MAIP1: variants seen among roughly 807,000 people sequenced by gnomAD.
MAIP1 encodes the protein matrix AAA peptidase interacting protein 1, also known as m-AAA protease-interacting protein 1, mitochondrial.
In MAIP1, 28 loss-of-function variants were observed where a neutral mutation model predicts 31.2. The observed-to-expected ratio is 0.90, with a 90% CI of 0.67 to 1.23. The LOEUF (loss-of-function observed/expected upper bound fraction) is 1.23, where lower values mean the gene tolerates loss of function less well. Ranked by LOEUF, MAIP1 falls within the 50% of genes most tolerant of loss-of-function variation. The pLI is 0.00. For synonymous variants in MAIP1, 142 were observed against 142.3 expected (o/e 1.00, Z 0.02); for missense variants, 339 against 356.0 (o/e 0.95, Z 0.38).
Position 199,963,725 on chromosome 2 carries a change from T to C in MAIP1, c.798-8T>C. On this transcript the variant is annotated splice_polypyrimidine_tract_variant and splice_region_variant and intron_variant, in intron 4 of 4. Transcript: ENST00000392290. The stretch of plus-strand genomic sequence containing the variant: ...TAAGATTTACATTATTTGCAATGTC[T>C]TTCCTAGGTTTCAGAGGGAGTTCAC... 2 of 1,557,284 alleles carry C rather than the reference T, an allele frequency of 1.3e-6. No individual in the cohort carries two copies. The highest frequency in any genetic ancestry group is 1.8e-6 in the Non-Finnish European group (2 of 1,129,256).
At chr2:199,962,852 G>A (rs563060628) in intron 4 of MAIP1, among the ~76,000 whole-genome samples, 2 of 152,094 alleles carry the variant, frequency 1.3e-5, no homozygotes, top group Middle Eastern at 3.4e-3. Context: ...ATTTTTATGC[G>A]AATAAAATCT....
At position 199,955,759 on chromosome 2, in the gene MAIP1, C is replaced by T. The variant is rs766947145; in HGVS notation, c.-40C>T. ...GGCGGTTTCCCACCGACTTCCTTTC[C>T]ATACAGCACCGGCAGGCACCGGTGT... On this transcript the variant is annotated 5_prime_UTR_variant, in exon 1 of 5. Coordinates refer to ENST00000392290, the MANE Select transcript of MAIP1 (RefSeq NM_001394955.1). 1.5e-5 allele frequency: 22 copies of T among 1,499,232 alleles called. No homozygotes were observed. In the East Asian group the frequency reaches 3.9e-4, roughly 26 times the overall value. The allele number at this position is 1,499,232 out of a possible 1,614,324, so 92.9% of individuals were successfully genotyped here.
In MAIP1 at chr2:199,961,840, A is replaced by C. The variant is rs2077638508; in HGVS notation, c.709A>C (p.Ser237Arg). ...GTATCTAACCAGTGCCAACATCCCC[A>C]GTGAAACTTTAAGAGGAGCCAGTGT... is the stretch of plus-strand genomic sequence containing the variant. ...FWYLTSANIP[S>R]ETLRGASVFQ... is the part of the protein sequence containing the mutation. The change falls in exon 4 of 5, where the codon AGT becomes CGT. Residue 237 changes from serine (S) to arginine (R), a missense_variant. Transcript: ENST00000392290. The C allele has an allele frequency of 1.2e-6, 2 of 1,613,940 alleles. No individual in the cohort carries two copies. The highest frequency in any genetic ancestry group is 8.5e-7 in the Non-Finnish European group (1 of 1,179,920).
At position 199,959,865 on chromosome 2, in the gene MAIP1, T is replaced by C. The variant is rs1004948494; in HGVS notation, c.634T>C (p.Tyr212His). ...TACATCAACAGGAGACATCTCCATTTACTATGATGAGAAAGGTAATACCAG... is the reference window on the plus strand; with the variant it reads ...TACATCAACAGGAGACATCTCCATTCACTATGATGAGAAAGGTAATACCAG... ...VFTSTGDISIYYDEKGRKFVN... is the reference protein window; with the variant it reads ...VFTSTGDISIHYDEKGRKFVN... Residue 212 changes from tyrosine to histidine, a missense_variant, in exon 3 of 5, where the codon TAC (tyrosine) becomes CAC (histidine). By Grantham distance (83) the Tyr-to-His change is moderately conservative. Transcript: ENST00000392290. 10 of 1,612,218 alleles carry C rather than the reference T, an allele frequency of 6.2e-6. No individual in the cohort carries two copies. Among genetic ancestry groups the C allele is most frequent in the Non-Finnish European group, 8.5e-6 (10 of 1,179,190 alleles).
rs764076314 is a variant in MAIP1 at position 199,956,152 on chromosome 2, C to T, written c.354C>T (p.Pro118=). Residue 118 remains proline (P), a synonymous_variant, in exon 1 of 5, where the codon CCC becomes CCT. Transcript: ENST00000392290. ...TGATCGTCCTGGGATTCTCCAACCCCATCAACTGGGTTAGGACTCGAATTA... is the reference window on the plus strand; with the variant it reads ...TGATCGTCCTGGGATTCTCCAACCCTATCAACTGGGTTAGGACTCGAATTA... The part of the protein sequence containing the change: ...TKMIVLGFSN[P]INWVRTRIKA... 6.2e-7 allele frequency: 1 copy of T among 1,614,210 alleles called. No individual in the cohort carries two copies. The highest frequency in any genetic ancestry group is 1.1e-5 in the South Asian group (1 of 91,088).
At position 199,961,840 on chromosome 2, in the gene MAIP1, A is replaced by G. The variant is rs2077638508; in HGVS notation, c.709A>G (p.Ser237Gly). Residue 237 changes from serine to glycine, a missense_variant, in exon 4 of 5, where the codon AGT becomes GGT. Transcript: ENST00000392290. ...GTATCTAACCAGTGCCAACATCCCC[A>G]GTGAAACTTTAAGAGGAGCCAGTGT... ...FWYLTSANIP[S>G]ETLRGASVFQ... 4 of 1,614,060 alleles carry G rather than the reference A, an allele frequency of 2.5e-6. No individual in the cohort carries two copies. The highest frequency in any genetic ancestry group is 3.4e-6 in the Non-Finnish European group (4 of 1,179,912).
intron 2 of MAIP1, 90 bp downstream of exon 2, chr2:199,959,429 AGT>A: frequency 1.3e-6 from 1 of 798,630 alleles, no homozygotes; most frequent in Non-Finnish European, 2.2e-6. Context: ...GCTTAAAAAT[AGT>A]GTGTGTGCCA....
At chr2:199,959,245 C>G (rs1341853044) in intron 1 of MAIP1, 23 bp from the exon 2 acceptor site, 1 of 1,286,238 alleles carries the variant, frequency 7.8e-7, no homozygotes, top group Admixed American at 1.7e-5. Flanking sequence ...AATCCCCACA[C>G]TTCCCTTAAT....
chr2:199,961,971 G>C (rs369693490), intron 4 of MAIP1, 43 bp downstream of exon 4: 3 of 1,545,988 alleles, frequency 1.9e-6, no homozygotes, highest in Non-Finnish European at 2.6e-6. Flanking sequence ...TTCAGAAAAT[G>C]GAAGGTAGTG....
At chr2:199,957,800 T>C (rs2077616229) in intron 1 of MAIP1, among the ~76,000 whole-genome samples, 1 of 152,236 alleles carries the variant, frequency 6.6e-6, no homozygotes, top group African/African-American at 2.4e-5. Flanking sequence ...AGTGGTAAGT[T>C]GTATTGATCC....
At chr2:199,962,794 C>G (rs2077643349) in intron 4 of MAIP1, among the ~76,000 whole-genome samples, 1 of 152,076 alleles carries the variant, frequency 6.6e-6, no homozygotes, top group Non-Finnish European at 1.5e-5. Context: ...TAAGCACATA[C>G]TGTATAGTAG....
At chr2:199,959,909 T>C in intron 3 of MAIP1, 29 bp downstream of exon 3, 1 of 1,601,330 alleles carries the variant, frequency 6.2e-7, no homozygotes. Flanking sequence ...CAACTTGAAA[T>C]GATCCATAAT....
rs1189713877 is a variant in MAIP1, at chr2:199,961,772, T to G, written c.650-9T>G. On this transcript the variant is annotated splice_polypyrimidine_tract_variant and intron_variant, in intron 3 of 4. Transcript: ENST00000392290. Reference sequence around the variant, plus strand: ...GTATTCGTATGTGTGTATATGTTTTTTCTCTAAGGAAGGAAGTTTGTTAAC... The same window carrying G: ...GTATTCGTATGTGTGTATATGTTTTGTCTCTAAGGAAGGAAGTTTGTTAAC... The G allele has an allele frequency of 8.7e-6, 14 of 1,606,940 alleles. 1 individual carries two copies. The highest frequency in any genetic ancestry group is 1.1e-5 in the Non-Finnish European group (13 of 1,177,066).
In MAIP1 at chr2:199,963,873, A is replaced by G. The variant is rs906759596; in HGVS notation, c.*62A>G. On this transcript the variant is annotated 3_prime_UTR_variant, in exon 5 of 5. Transcript: ENST00000392290. Reference sequence around the variant, plus strand: ...TGCTGTGAAAAACTAAGGAAGAAAAATTTTGGGGTCATTTGATCTTCACTT... The same window carrying G: ...TGCTGTGAAAAACTAAGGAAGAAAAGTTTTGGGGTCATTTGATCTTCACTT... 1.6e-5 allele frequency: 16 copies of G among 979,484 alleles called. No individual in the cohort carries two copies. The African/African-American group carries it at 2.0e-4, about 12-fold the overall frequency. The allele number at this position is 979,484 out of a possible 1,614,324, so 60.7% of individuals were successfully genotyped here.
chr2:199,962,853 AAT>A (rs1447952656), intron 4 of MAIP1, among the ~76,000 whole-genome samples: 4 of 152,186 alleles, frequency 2.6e-5, no homozygotes, highest in African/African-American at 7.2e-5. Context: ...TTTTTATGCG[AAT>A]AAAATCTAGA....
chr2:199,958,464 A>C (rs1362241221), intron 1 of MAIP1, among the ~76,000 whole-genome samples: 1 of 152,152 alleles, frequency 6.6e-6, no homozygotes, highest in African/African-American at 2.4e-5. Flanking sequence ...CATATCTGAC[A>C]TGCCTGTGCA....
At chr2:199,955,377 C>A, upstream of MAIP1, 1 of 1,612,252 alleles carries the variant, frequency 6.2e-7, no homozygotes, top group Non-Finnish European at 8.5e-7. Flanking sequence ...GGTTCTGCCC[C>A]GCGCGAGGGC....
At position 199,956,020 on chromosome 2, in the gene MAIP1, A is replaced by G. The variant is rs1454432616; in HGVS notation, c.222A>G (p.Pro74=). 4 of 1,609,562 alleles carry G rather than the reference A, an allele frequency of 2.5e-6. No homozygotes were observed. The Admixed American group carries it at 5.1e-5, about 20-fold the overall frequency. The change falls in exon 1 of 5, where the codon CCA becomes CCG. Residue 74 remains proline, a synonymous_variant. Transcript: ENST00000392290. ...TACCTGCCCAGGGCTCCCGGTGGCC[A>G]GTGCTCAGCAGCCCGGGACTCCCCG... ...SALPAQGSRW[P]VLSSPGLPAA... is the part of the protein sequence containing the mutation.
Position 199,963,802 on chromosome 2 carries a change from AT to A in MAIP1, c.869del (p.Leu290Ter). On this transcript the variant is annotated frameshift_variant, in exon 5 of 5. Transcript: ENST00000392290. LOFTEE classifies it high-confidence loss of function. ...TIARIEHSKL[L>X]E is the part of the protein sequence containing the mutation. ...TTGCACGGATTGAACACTCAAAATT[AT>A]TAGAATAATTTTCTTGGAAAAATCA... The A allele has an allele frequency of 6.2e-7, 1 of 1,603,698 alleles. No homozygotes were observed. The highest frequency in any genetic ancestry group is 8.5e-7 in the Non-Finnish European group (1 of 1,171,634).
Sources: gnomAD v4.1 joint callset for allele counts (sites outside exome capture counted in the v4.1 genomes callset) on GRCh38, gnomAD v4.1.1 for gene constraint, MANE v1.5 for transcripts, NCBI Gene and HGNC (gene_info 2026-07-23, HGNC 2026-07-21) for gene names.